Variants in TRAPPC9 observed in about 807,000 individuals in gnomAD.
TRAPPC9 encodes IKK2 binding protein.
Under a neutral mutation model 124.0 loss-of-function variants are expected in TRAPPC9, and 83 were observed. That is an observed-to-expected ratio of 0.67 (90% CI 0.56 to 0.80). The LOEUF is 0.80. Ranked by LOEUF, TRAPPC9 falls within the 30% of genes least tolerant of loss-of-function variation. The probability of loss-of-function intolerance (pLI) is 0.00; values close to 1 mark genes in which losing one functional copy is unlikely to be tolerated. For synonymous variants in TRAPPC9, 638 were observed against 617.5 expected (o/e 1.03, Z -0.49); for missense variants, 1,302 against 1,508.3 (o/e 0.86, Z 2.27).
At chr8:139,944,587 T>C (rs1392844786) in intron 19 of TRAPPC9, among the ~76,000 whole-genome samples, 1 of 152,140 alleles carries the variant, frequency 6.6e-6, no homozygotes, top group Non-Finnish European at 1.5e-5. Flanking sequence ...TAAAGAGGTA[T>C]AGGTAAAAAG....
chr8:139,791,777 T>A (rs1430055481), intron 21 of TRAPPC9, among the ~76,000 whole-genome samples: 2 of 152,206 alleles, frequency 1.3e-5, no homozygotes. Context: ...GGGTGGTTGC[T>A]GGCACATTAG....
chr8:140,334,176 C>T (rs1425981361), intron 9 of TRAPPC9, among the ~76,000 whole-genome samples: 1 of 152,178 alleles, frequency 6.6e-6, no homozygotes, highest in Non-Finnish European at 1.5e-5. Flanking sequence ...ACTTCATATT[C>T]ATTTGACAAA....
At chr8:139,947,907 T>TATATATATATATAGAGAGAG in intron 19 of TRAPPC9, among the ~76,000 whole-genome samples, 10 of 60,358 alleles carry the variant, frequency 1.7e-4, no homozygotes, top group East Asian at 4.4e-4. Context: ...TATATATATA[T>TATATATATATATAGAGAGAG]AGAGAGAGAG....
chr8:140,387,938 A>G (rs145212546), intron 7 of TRAPPC9, among the ~76,000 whole-genome samples: 9,583 of 152,032 alleles, frequency 0.063, 771 homozygotes, highest in African/African-American at 0.19. Context: ...TGTTTATTGC[A>G]GCACTATTCA....
At chr8:140,173,358 T>C (rs2062002690) in intron 17 of TRAPPC9, among the ~76,000 whole-genome samples, 1 of 151,984 alleles carries the variant, frequency 6.6e-6, no homozygotes, top group Admixed American at 6.6e-5. Context: ...ATCGAGACCA[T>C]CCTGGCTAAC....
intron 17 of TRAPPC9, among the ~76,000 whole-genome samples, chr8:140,038,143 T>C (rs141875188): frequency 1.3e-5 from 2 of 151,684 alleles, no homozygotes; most frequent in South Asian, 2.1e-4. Context: ...CCCACCAAAG[T>C]GTATTTTCAT....
intron 1 of TRAPPC9, among the ~76,000 whole-genome samples, chr8:140,452,506 G>A (rs1006827510): frequency 7.3e-5 from 11 of 151,450 alleles, no homozygotes; most frequent in Non-Finnish European, 1.3e-4. Flanking sequence ...CGAATGTAAA[G>A]GGCCTAGCAT....
intron 15 of TRAPPC9, among the ~76,000 whole-genome samples, chr8:140,271,565 A>G (rs2064882991): frequency 6.6e-6 from 1 of 152,146 alleles, no homozygotes; most frequent in South Asian, 2.1e-4. Flanking sequence ...GAGAGAGAGA[A>G]GACAACCAAT....
intron 19 of TRAPPC9, among the ~76,000 whole-genome samples, chr8:139,927,605 A>G (rs1832890004): frequency 6.6e-6 from 1 of 152,166 alleles, no homozygotes. Flanking sequence ...TCCTACTCCC[A>G]GATATTCACC....
At chr8:140,248,515 C>T (rs1299246785) in intron 16 of TRAPPC9, among the ~76,000 whole-genome samples, 1 of 152,250 alleles carries the variant, frequency 6.6e-6, no homozygotes, top group Non-Finnish European at 1.5e-5. Context: ...GGTTTGTCCA[C>T]ATCTACTTAT....
chr8:140,241,781 C>T lies in TRAPPC9; in HGVS notation c.2431+10996G>A, dbSNP rs943986487. ...ACACCAGATCCTCACAGCCAGACAG[C>T]TCTCCCGTCTCTGAACTCAGGGTGT... On this transcript the variant is annotated intron_variant, in intron 16 of 22. Transcript: ENST00000438773. This position sits in a 1 kb window ranked among gnomAD's most constrained non-coding sequence, Gnocchi z 5.0. Among the ~76,000 whole-genome samples, 1 of 152,234 alleles carries T rather than the reference C, an allele frequency of 6.6e-6. No individual in the cohort carries two copies. Among genetic ancestry groups the T allele is most frequent in the Non-Finnish European group, 1.5e-5 (1 of 68,042 alleles).
chr8:140,047,663 C>A (rs1182745189), intron 17 of TRAPPC9, among the ~76,000 whole-genome samples: 3 of 152,208 alleles, frequency 2.0e-5, no homozygotes, highest in Admixed American at 1.3e-4. Context: ...TGAAGGACAA[C>A]ATGGAGAACA....
At chr8:139,947,924 C>CGAGAGAGAGAGAGAGAGAGA (rs59675753) in intron 19 of TRAPPC9, among the ~76,000 whole-genome samples, 18 of 83,482 alleles carry the variant, frequency 2.2e-4, no homozygotes, top group African/African-American at 7.6e-4. Context: ...AGAGAGAGAG[C>CGAGAGAGAGAGAGAGAGAGA]GAGAGAGAGA....
intron 7 of TRAPPC9, among the ~76,000 whole-genome samples, chr8:140,388,063 G>C (rs2068806734): frequency 6.6e-6 from 1 of 151,838 alleles, no homozygotes; most frequent in Admixed American, 6.6e-5. Flanking sequence ...ATGAGTTCAT[G>C]TCCTTTGTAG....
At chr8:139,773,202 C>T (rs963502126) in intron 21 of TRAPPC9, among the ~76,000 whole-genome samples, 15 of 152,244 alleles carry the variant, frequency 9.9e-5, no homozygotes, top group South Asian at 4.1e-4. Context: ...CCCAGCAGGA[C>T]GCCTGGCGCG....
chr8:140,141,783 G>A (rs543480062), intron 17 of TRAPPC9, among the ~76,000 whole-genome samples: 4 of 152,222 alleles, frequency 2.6e-5, no homozygotes, highest in Admixed American at 1.3e-4. Context: ...TCAGCACCCC[G>A]GCGGGCGGCA....
chr8:139,875,672 C>A (rs1303219246), intron 21 of TRAPPC9, among the ~76,000 whole-genome samples: 1 of 152,074 alleles, frequency 6.6e-6, no homozygotes, highest in Non-Finnish European at 1.5e-5. Flanking sequence ...CAACTCAGGC[C>A]GACCAGGCTC....
At chr8:140,250,321 C>T (rs569526472) in intron 16 of TRAPPC9, among the ~76,000 whole-genome samples, 9 of 152,302 alleles carry the variant, frequency 5.9e-5, no homozygotes, top group African/African-American at 2.2e-4. Flanking sequence ...ACACTGAATC[C>T]AGGATCCCGG....
At chr8:140,189,909 C>T (rs892581222) in intron 17 of TRAPPC9, among the ~76,000 whole-genome samples, 6 of 152,162 alleles carry the variant, frequency 3.9e-5, no homozygotes, top group South Asian at 4.1e-4. Flanking sequence ...TATGCCAGTC[C>T]GGGAATAACA....
Sources: allele counts gnomAD v4.1 joint callset (sites outside exome capture counted in the v4.1 genomes callset), GRCh38; gene constraint gnomAD v4.1.1; non-coding constraint Gnocchi (gnomAD v3.1); transcripts MANE v1.5; gene names NCBI Gene and HGNC (gene_info 2026-07-23, HGNC 2026-07-21).